PACRG: variants seen among roughly 807,000 people sequenced by gnomAD.
PACRG encodes the protein parkin coregulated gene protein.
PACRG carries 29 observed loss-of-function variants against 29.7 expected under a neutral mutation model. The observed-to-expected ratio is 0.98, with a 90% CI of 0.73 to 1.33. The LOEUF is 1.33. Among genes scored for constraint, PACRG ranks in the 40% most tolerant of loss-of-function variants. The pLI, the probability that PACRG is intolerant of heterozygous loss-of-function variation, is 0.00. For missense variants in PACRG, 279 were observed against 316.2 expected, an observed-to-expected ratio of 0.88 and a Z score of 0.89; for synonymous variants, 116 against 118.7, an observed-to-expected ratio of 0.98 and a Z score of 0.15.
chr6:163,251,430 A>G (rs189685823), intron 4 of PACRG, among the ~76,000 whole-genome samples: 95 of 152,288 alleles, frequency 6.2e-4, no homozygotes, highest in Non-Finnish European at 1.2e-3. Context: ...CCGGAATGCA[A>G]TGATTATGTA....
chr6:163,114,353 G>A (rs1262890356), intron 4 of PACRG, among the ~76,000 whole-genome samples: 1 of 152,116 alleles, frequency 6.6e-6, no homozygotes, highest in Non-Finnish European at 1.5e-5. Context: ...AATTCAAATT[G>A]GAGTCTTATA....
At chr6:162,876,953 T>C (rs1465435716) in intron 2 of PACRG, among the ~76,000 whole-genome samples, 1 of 152,144 alleles carries the variant, frequency 6.6e-6, no homozygotes, top group African/African-American at 2.4e-5. Flanking sequence ...CTGGAGAGGA[T>C]GTGGAGAAAT....
At chr6:163,303,024 A>C (rs1056251135) in intron 4 of PACRG, among the ~76,000 whole-genome samples, 1 of 152,154 alleles carries the variant, frequency 6.6e-6, no homozygotes, top group Non-Finnish European at 1.5e-5. Context: ...GTGTTTGCTG[A>C]TAACATTTAT....
At chr6:162,844,178 C>T (rs1251592758) in intron 2 of PACRG, among the ~76,000 whole-genome samples, 11 of 150,444 alleles carry the variant, frequency 7.3e-5, no homozygotes, top group South Asian at 2.1e-4. Context: ...TGGGCAATGG[C>T]GGGCGCCCCT....
chr6:162,852,154 T>G (rs998026921), intron 2 of PACRG, among the ~76,000 whole-genome samples: 1 of 152,200 alleles, frequency 6.6e-6, no homozygotes, highest in African/African-American at 2.4e-5. Context: ...TGAACCATGA[T>G]GACTCTAGAA....
chr6:162,746,670 G>T (rs1035669035), intron 1 of PACRG, among the ~76,000 whole-genome samples: 6 of 152,186 alleles, frequency 3.9e-5, no homozygotes, highest in Admixed American at 2.0e-4. Flanking sequence ...CAGTGTCTTG[G>T]TCTCCCCTCC....
intron 4 of PACRG, among the ~76,000 whole-genome samples, chr6:163,295,141 T>A (rs1254009215): frequency 1.3e-5 from 2 of 152,232 alleles, no homozygotes; most frequent in Non-Finnish European, 2.9e-5. Flanking sequence ...TGACATTTTT[T>A]AGCCAAAAAT....
At chr6:163,039,146 A>G (rs1808467821) in intron 2 of PACRG, among the ~76,000 whole-genome samples, 2 of 152,086 alleles carry the variant, frequency 1.3e-5, no homozygotes, top group Non-Finnish European at 2.9e-5. Flanking sequence ...TTGATGGTTT[A>G]TTGAGATTTT....
intron 2 of PACRG, among the ~76,000 whole-genome samples, chr6:162,875,306 G>C (rs1484020726): frequency 3.5e-5 from 5 of 144,668 alleles, no homozygotes; most frequent in Non-Finnish European, 7.6e-5. Context: ...TGCACACACA[G>C]ACATGCACAG....
chr6:162,939,293 TA>T (rs1445711779), intron 2 of PACRG, among the ~76,000 whole-genome samples: 1 of 152,200 alleles, frequency 6.6e-6, no homozygotes, highest in African/African-American at 2.4e-5. Context: ...CCTGAAACTA[TA>T]AAAAACCTAG....
At chr6:163,223,108 C>T (rs1562324542) in intron 4 of PACRG, among the ~76,000 whole-genome samples, 1 of 152,110 alleles carries the variant, frequency 6.6e-6, no homozygotes, top group Non-Finnish European at 1.5e-5. Flanking sequence ...AACAAAAGAA[C>T]ATTGACCGGG....
intron 4 of PACRG, among the ~76,000 whole-genome samples, chr6:163,287,174 G>A (rs540461284): frequency 5.9e-5 from 9 of 152,182 alleles, no homozygotes; most frequent in Non-Finnish European, 8.8e-5. Context: ...TCAGGACAAT[G>A]TCAGGCTGCA....
chr6:163,224,026 A>G (rs553531843), intron 4 of PACRG, among the ~76,000 whole-genome samples: 4 of 152,260 alleles, frequency 2.6e-5, no homozygotes, highest in African/African-American at 4.8e-5. Context: ...CCTAACATGT[A>G]TATGGAACCA....
chr6:162,787,541 GTA>G (rs565243561), intron 1 of PACRG, among the ~76,000 whole-genome samples: 1 of 134,600 alleles, frequency 7.4e-6, no homozygotes, highest in African/African-American at 2.8e-5. Flanking sequence ...GTGTGTTTGT[GTA>G]TATATATATG....
chr6:162,944,439 A>G (rs1798855138), intron 2 of PACRG, among the ~76,000 whole-genome samples: 1 of 152,238 alleles, frequency 6.6e-6, no homozygotes, highest in Admixed American at 6.5e-5. Flanking sequence ...ACACCTCAAA[A>G]GAAATACAAT....
intron 1 of PACRG, among the ~76,000 whole-genome samples, chr6:162,730,919 C>T (rs1159566071): frequency 6.6e-6 from 1 of 152,032 alleles, no homozygotes; most frequent in African/African-American, 2.4e-5. Flanking sequence ...AGCCCATGAC[C>T]AGAAACTAGT....
At chr6:163,207,022 C>T (rs987814948) in intron 4 of PACRG, among the ~76,000 whole-genome samples, 6 of 152,054 alleles carry the variant, frequency 3.9e-5, no homozygotes, top group Non-Finnish European at 7.4e-5. Context: ...TGGGACATTT[C>T]GCTAGGATTT....
At chr6:162,728,799 G>A (rs570007474) in intron 1 of PACRG, among the ~76,000 whole-genome samples, 1 of 152,178 alleles carries the variant, frequency 6.6e-6, no homozygotes, top group African/African-American at 2.4e-5. Flanking sequence ...ATACAACCGG[G>A]AACATAAACT....
chr6:163,263,116 C>T lies in PACRG; in HGVS notation c.614-51711C>T, dbSNP rs111519848. Among the ~76,000 whole-genome samples, 408 of 144,476 alleles carry T rather than the reference C, an allele frequency of 2.8e-3. 2 individuals carry two copies. The highest frequency in any genetic ancestry group is 0.01 in the African/African-American group (392 of 38,638). The allele number at this position is 144,476 out of a possible 152,430, so 94.8% of individuals were successfully genotyped here. A position where few individuals can be genotyped will look rare whatever the true frequency, so the allele number is the denominator to read the frequency against. ...AAATAAATAAATTTACATACTAGATCCAAGGCCCTGAGTTTTAACTTGATA... is the reference window on the plus strand; with the variant it reads ...AAATAAATAAATTTACATACTAGATTCAAGGCCCTGAGTTTTAACTTGATA... On this transcript the variant is annotated intron_variant, in intron 4 of 4. Transcript: ENST00000366888.
Sources: allele counts gnomAD v4.1 joint callset (sites outside exome capture counted in the v4.1 genomes callset), GRCh38; gene constraint gnomAD v4.1.1; transcripts MANE v1.5; gene names NCBI Gene and HGNC (gene_info 2026-07-23, HGNC 2026-07-21).